The following CHRNB4 variants were observed in gnomAD, a reference collection of about 807,000 sequenced individuals.
CHRNB4 encodes the protein neuronal acetylcholine receptor subunit beta-4.
A neutral mutation model predicts 40.4 loss-of-function variants in CHRNB4; 23 were observed. That is an observed-to-expected ratio of 0.57 (90% confidence interval 0.41 to 0.81). The LOEUF (loss-of-function observed/expected upper bound fraction) is 0.81. Ranked by LOEUF, CHRNB4 falls within the 30% of genes least tolerant of loss-of-function variation. The pLI is 0.00. For synonymous variants in CHRNB4, 285 were observed against 274.4 expected (o/e 1.04, Z -0.38); for missense variants, 568 against 670.6 (o/e 0.85, Z 1.69).
chr15:78,646,645 G>C lies in CHRNB4; in HGVS notation c.46+2734C>G, dbSNP rs1243610369. Among the ~76,000 whole-genome samples the C allele has an allele frequency of 2.0e-5, 3 of 152,178 alleles. No individual in the cohort carries two copies. The East Asian group carries it at 5.8e-4, about 29-fold the overall frequency. ...TGTATCCTCACATGGCAGAGAGCAA[G>C]ACAGACAGGAGGCAACTCTCCTGCA... On this transcript the variant is annotated intron_variant and NMD_transcript_variant, in intron 7 of 11. Coordinates refer to the CHRNB4 transcript ENST00000559849.
chr15:78,653,206 A>G (rs932609886), intron 5 of CHRNB4, among the ~76,000 whole-genome samples: 9 of 152,184 alleles, frequency 5.9e-5, no homozygotes, highest in African/African-American at 1.4e-4. Context: ...TGCTTCCTCA[A>G]TCAGTCATAA....
Position 78,641,104 on chromosome 15 carries a change from G to A in CHRNB4, c.30C>T (p.Phe10=). MRRAPSLVL[F]FLVALCGRGN... ...CGCGCCCGCAAAGGGCGACCAGGAA[G>A]AAAAGGACCAGGGAAGGCGCGCGCC... is the stretch of plus-strand genomic sequence containing the variant. The change falls in exon 1 of 6, where the codon TTC becomes TTT. Residue 10 remains phenylalanine, a synonymous_variant. Transcript: ENST00000261751. The A allele has an allele frequency of 1.9e-6, 3 of 1,583,050 alleles. No homozygotes were observed. Among genetic ancestry groups the A allele is most frequent in the Non-Finnish European group, 1.7e-6 (2 of 1,165,416 alleles).
At chr15:78,657,183 A>T (rs2054221679) in intron 3 of CHRNB4, 1 of 151,252 alleles carries the variant, frequency 6.6e-6, no homozygotes, top group Non-Finnish European at 1.5e-5. Flanking sequence ...TGCCCCCACG[A>T]CTGGCTAATT....
intron 7 of CHRNB4, among the ~76,000 whole-genome samples, chr15:78,647,688 TCCAAAAAAAAAAAA>T (rs1424285949): frequency 4.3e-4 from 26 of 60,422 alleles, no homozygotes; most frequent in African/African-American, 1.1e-3. Flanking sequence ...CTACTAAAAA[TCCAAAAAAAAAAAA>T]AAAAAAAATT....
Position 78,635,481 on chromosome 15 carries a change from GAT to G in CHRNB4, c.160_161del (p.Ile54LeufsTer16). ...CCAGGGAGAGCTGCAGCTTGATGGA[GAT>G]GAGCTGTGAGGAGCTGGTGGCTGGG... ...IRPATSSSQLISIKLQLSLAQ... is the reference protein window; with the variant it reads ...IRPATSSSQLXSIKLQLSLAQ... On this transcript the variant is annotated frameshift_variant, in exon 2 of 6. Transcript: ENST00000261751. LOFTEE classifies it high-confidence loss of function. 3 of 1,614,180 alleles carry G rather than the reference GAT, an allele frequency of 1.9e-6. No individual in the cohort carries two copies. The South Asian group carries it at 3.3e-5, about 18-fold the overall frequency.
At chr15:78,641,341 G>C, upstream of CHRNB4, 1 of 481,894 alleles carries the variant, frequency 2.1e-6, no homozygotes, top group East Asian at 3.7e-5. Context: ...CCCCCTGGGT[G>C]GTCTGGACCC....
At chr15:78,654,203 G>A (rs967841855) in intron 5 of CHRNB4, among the ~76,000 whole-genome samples, 4 of 152,158 alleles carry the variant, frequency 2.6e-5, no homozygotes, top group African/African-American at 9.7e-5. Context: ...CAGGGTTTTG[G>A]CACGTTGCTG....
At chr15:78,647,585 G>T (rs922268425) in intron 7 of CHRNB4, among the ~76,000 whole-genome samples, 2 of 150,816 alleles carry the variant, frequency 1.3e-5, no homozygotes, top group African/African-American at 2.4e-5. Flanking sequence ...AGTGGCTCAC[G>T]CCTGTAATCC....
chr15:78,637,281 G>A (rs890171675), intron 1 of CHRNB4, among the ~76,000 whole-genome samples: 2 of 152,192 alleles, frequency 1.3e-5, no homozygotes, highest in Non-Finnish European at 2.9e-5. Flanking sequence ...GGGAGTAAAG[G>A]TGAGGTTCAG....
chr15:78,632,175 T>TTCTC (rs370832919), intron 2 of CHRNB4, among the ~76,000 whole-genome samples: 1 of 9,980 alleles, frequency 1.0e-4, no homozygotes, highest in African/African-American at 3.1e-4. Context: ...TTCTTTCTCT[T>TTCTC]TCTTTCTTTC....
upstream of CHRNB4, among the ~76,000 whole-genome samples, chr15:78,643,742 ATTG>A (rs1396563964): frequency 6.6e-5 from 10 of 152,296 alleles, no homozygotes; most frequent in African/African-American, 2.4e-4. Context: ...ATACAGATAA[ATTG>A]TTAAGACTAG....
At chr15:78,626,397 A>C (rs2053662542) in intron 5 of CHRNB4, 1 of 125,602 alleles carries the variant, frequency 8.0e-6, no homozygotes, top group Non-Finnish European at 1.7e-5. Context: ...TCCCCCTTTT[A>C]ATATTTTTGT....
chr15:78,660,027 T>C (rs2054239574), intron 1 of CHRNB4, among the ~76,000 whole-genome samples: 1 of 151,952 alleles, frequency 6.6e-6, no homozygotes, highest in African/African-American at 2.4e-5. Context: ...GCCAACATGG[T>C]GAAACCCCTT....
intron 2 of CHRNB4, among the ~76,000 whole-genome samples, chr15:78,634,292 C>T (rs1032232225): frequency 3.3e-5 from 5 of 152,202 alleles, no homozygotes; most frequent in African/African-American, 7.2e-5. Context: ...GCCTCCTGCT[C>T]GTTCACCCTC....
intron 1 of CHRNB4, among the ~76,000 whole-genome samples, chr15:78,660,311 C>T (rs2054241638): frequency 6.6e-6 from 1 of 152,172 alleles, no homozygotes; most frequent in South Asian, 2.1e-4. Context: ...AGGAGCAGTC[C>T]CTCTGCTGTT....
In CHRNB4 at chr15:78,631,286, A is replaced by C. The variant is rs776484763; in HGVS notation, c.249+2T>G. 6.2e-7 allele frequency: 1 copy of C among 1,614,120 alleles called. No individual in the cohort carries two copies. Among genetic ancestry groups the C allele is most frequent in the South Asian group, 1.1e-5 (1 of 91,078 alleles). On this transcript the variant is annotated splice_donor_variant, in intron 3 of 5. Transcript: ENST00000261751. LOFTEE classifies it high-confidence loss of function. ...GGGCTCAGGGCCCTTCAGGGCACTT[A>C]CCTGTTTCAGCCAGACATTGGTGGT...
intron 1 of CHRNB4, among the ~76,000 whole-genome samples, chr15:78,639,563 G>A (rs1226153703): frequency 6.6e-6 from 1 of 152,184 alleles, no homozygotes; most frequent in African/African-American, 2.4e-5. Context: ...CTCCCAAAGT[G>A]CTGGGATTAC....
At chr15:78,641,233 G>A, upstream of CHRNB4, 1 of 1,151,406 alleles carries the variant, frequency 8.7e-7, no homozygotes, top group Middle Eastern at 2.9e-4. Context: ...TGGCCCCCGA[G>A]GTTTGCTGGC....
intron 1 of CHRNB4, among the ~76,000 whole-genome samples, chr15:78,659,287 A>G (rs1014071598): frequency 1.3e-5 from 2 of 152,118 alleles, no homozygotes; most frequent in Non-Finnish European, 2.9e-5. Flanking sequence ...AACAAACGCT[A>G]GCTGGGTATG....
Sources: allele counts gnomAD v4.1 joint callset (sites outside exome capture counted in the v4.1 genomes callset), GRCh38; gene constraint gnomAD v4.1.1; transcripts MANE v1.5; gene names NCBI Gene and HGNC (gene_info 2026-07-23, HGNC 2026-07-21).